PPP1R14C: variants seen among roughly 807,000 people sequenced by gnomAD.
The protein encoded by PPP1R14C is protein phosphatase 1 regulatory inhibitor subunit 14C.
A neutral mutation model predicts 20.4 loss-of-function variants in PPP1R14C; 16 were observed. The observed-to-expected ratio is 0.78, with a 90% CI of 0.53 to 1.19. The LOEUF (loss-of-function observed/expected upper bound fraction) is 1.19. Ranked by LOEUF, PPP1R14C falls within the 50% of genes most tolerant of loss-of-function variation. The probability of loss-of-function intolerance (pLI) is 0.00; values close to 1 mark genes in which losing one functional copy is unlikely to be tolerated. For missense variants in PPP1R14C, 211 were observed against 220.1 expected, an observed-to-expected ratio of 0.96 and a Z score of 0.26; for synonymous variants, 91 against 91.0, an observed-to-expected ratio of 1.00 and a Z score of 0.00.
intron 1 of PPP1R14C, among the ~76,000 whole-genome samples, chr6:150,156,995 A>G (rs1777312804): frequency 6.6e-6 from 1 of 152,226 alleles, no homozygotes; most frequent in Non-Finnish European, 1.5e-5. Flanking sequence ...AAACCTTGGG[A>G]ACATCCCATG....
chr6:150,236,380 G>A (rs143273788), intron 3 of PPP1R14C, among the ~76,000 whole-genome samples: 3 of 152,238 alleles, frequency 2.0e-5, no homozygotes, highest in East Asian at 3.9e-4. Context: ...GAATAGTCTC[G>A]GGTGAGTGAA....
intron 3 of PPP1R14C, among the ~76,000 whole-genome samples, chr6:150,231,217 C>T (rs1371204056): frequency 6.6e-6 from 1 of 152,208 alleles, no homozygotes; most frequent in Non-Finnish European, 1.5e-5. Flanking sequence ...GTTTGGACTT[C>T]TTTCTTTCTT....
chr6:150,205,119 C>A (rs761926042), intron 1 of PPP1R14C, among the ~76,000 whole-genome samples: 6 of 151,872 alleles, frequency 4.0e-5, no homozygotes, highest in Non-Finnish European at 7.4e-5. Context: ...CTAAGCCTGC[C>A]CTGGGTGCCA....
chr6:150,162,204 G>A (rs190318719), intron 1 of PPP1R14C, among the ~76,000 whole-genome samples: 7 of 152,184 alleles, frequency 4.6e-5, no homozygotes, highest in Admixed American at 2.0e-4. Context: ...ACAGGCGTGC[G>A]CCTCAACATC....
At chr6:150,199,516 G>C (rs1197538377) in intron 1 of PPP1R14C, among the ~76,000 whole-genome samples, 2 of 152,134 alleles carry the variant, frequency 1.3e-5, no homozygotes, top group African/African-American at 4.8e-5. Context: ...CAGACACCTA[G>C]TCCTCACCAC....
intron 3 of PPP1R14C, among the ~76,000 whole-genome samples, chr6:150,229,429 C>T (rs1390544137): frequency 2.6e-5 from 4 of 152,056 alleles, no homozygotes; most frequent in African/African-American, 9.7e-5. Flanking sequence ...TGTAAAGATT[C>T]TGAGACACCA....
intron 1 of PPP1R14C, among the ~76,000 whole-genome samples, chr6:150,214,339 A>G (rs1253446949): frequency 6.6e-6 from 1 of 152,194 alleles, no homozygotes; most frequent in African/African-American, 2.4e-5. Flanking sequence ...CTCCCCTTAT[A>G]TACTTACAGA....
Position 150,248,838 on chromosome 6 carries a change from ACT to A in PPP1R14C, c.*22_*23del. ...GTGTATGATTCTGGAACAGGGTGAA[ACT>A]CTCCCAGAGACGAAGAAAGAGTCCT... On this transcript the variant is annotated 3_prime_UTR_variant, in exon 4 of 4. Coordinates refer to ENST00000361131, the MANE Select transcript of PPP1R14C (RefSeq NM_030949.3). 4 of 1,566,536 alleles carry A rather than the reference ACT, an allele frequency of 2.6e-6. No homozygotes were observed. Among genetic ancestry groups the A allele is most frequent in the Non-Finnish European group, 3.5e-6 (4 of 1,138,752 alleles).
chr6:150,145,396 A>C (rs1464397213), intron 1 of PPP1R14C, among the ~76,000 whole-genome samples: 6 of 152,216 alleles, frequency 3.9e-5, no homozygotes, highest in Non-Finnish European at 8.8e-5. Flanking sequence ...CCTGCATGTC[A>C]TTAACGTGGC....
intron 3 of PPP1R14C, among the ~76,000 whole-genome samples, chr6:150,231,376 T>C (rs1186103306): frequency 1.3e-5 from 2 of 152,208 alleles, no homozygotes; most frequent in African/African-American, 2.4e-5. Context: ...CCCCTAATGC[T>C]CTGTGTCTTC....
At chr6:150,233,156 G>C (rs2114925662) in intron 3 of PPP1R14C, among the ~76,000 whole-genome samples, 1 of 152,326 alleles carries the variant, frequency 6.6e-6, no homozygotes. Flanking sequence ...TGGTAAAAGA[G>C]AGTGCCCCAA....
At chr6:150,245,398 G>A (rs1056622276) in intron 3 of PPP1R14C, among the ~76,000 whole-genome samples, 1 of 152,154 alleles carries the variant, frequency 6.6e-6, no homozygotes, top group Admixed American at 6.5e-5. Flanking sequence ...GCTTTCCACC[G>A]TGATGCTCTG....
Position 150,249,696 on chromosome 6 carries a change from C to T in PPP1R14C, c.*876C>T, listed in dbSNP as rs1008091204. On this transcript the variant is annotated 3_prime_UTR_variant, in exon 4 of 4. Transcript: ENST00000361131. ...TAGCAGTGAATTGTCTGCTTTCCAC[C>T]GAGTACTGTGTTTATTCTCTCTCCA... 9 of 395,092 alleles carry T rather than the reference C, an allele frequency of 2.3e-5. No homozygotes were observed. Among genetic ancestry groups the T allele is most frequent in the African/African-American group, 8.5e-5 (4 of 46,912 alleles). The allele number at this position is 395,092 out of a possible 1,614,324, so 24.5% of individuals were successfully genotyped here.
chr6:150,248,903 G>T lies in PPP1R14C; in HGVS notation c.*83G>T. 4 of 827,160 alleles carry T rather than the reference G, an allele frequency of 4.8e-6. No homozygotes were observed. The highest frequency in any genetic ancestry group is 3.8e-6 in the Non-Finnish European group (2 of 525,640). The allele number at this position is 827,160 out of a possible 1,614,324, so 51.2% of individuals were successfully genotyped here. A position where few individuals can be genotyped will look rare whatever the true frequency, so the allele number is the denominator to read the frequency against. On this transcript the variant is annotated 3_prime_UTR_variant, in exon 4 of 4. Coordinates refer to ENST00000361131, the MANE Select transcript of PPP1R14C (RefSeq NM_030949.3). ...TCATGAAGACTTTTGTGAAAGAATA[G>T]GTGTCCTTATGAACAACGTTTTTGT...
At position 150,214,757 on chromosome 6, in the gene PPP1R14C, C is replaced by G. The variant is rs1193146366; in HGVS notation, c.320C>G (p.Pro107Arg). The G allele has an allele frequency of 6.2e-7, 1 of 1,612,840 alleles. No individual in the cohort carries two copies. The highest frequency in any genetic ancestry group is 1.1e-5 in the South Asian group (1 of 90,724). The change falls in exon 2 of 4, where the codon CCA becomes CGA. Residue 107 changes from proline (P) to arginine (R), a missense_variant. Transcript: ENST00000361131. ...QLYGCEEEEM[P>R]EVEIDIDDLL... ...ACTGCCCCCCAGGAAGAAGAAATGC[C>G]AGAGGTAGAAATTGACATTGATGAT...
Position 150,185,673 on chromosome 6 carries a change from CA to C in PPP1R14C, c.307-29068del, listed in dbSNP as rs1172246084. Among the ~76,000 whole-genome samples the C allele has an allele frequency of 6.6e-6, 1 of 152,110 alleles. No individual in the cohort carries two copies. The highest frequency in any genetic ancestry group is 2.4e-5 in the African/African-American group (1 of 41,414). On this transcript the variant is annotated intron_variant, in intron 1 of 3. Coordinates refer to ENST00000361131, the MANE Select transcript of PPP1R14C (RefSeq NM_030949.3). The surrounding 1 kb of genome is among the most constrained non-coding windows in gnomAD (Gnocchi z 4.1). ...CATTTATTATTCCAGCAAGCAGTGA[CA>C]AATCAGCTCTGTGTGTCGGTGAGGA...
At chr6:150,158,023 C>G (rs1210181050) in intron 1 of PPP1R14C, among the ~76,000 whole-genome samples, 1 of 152,170 alleles carries the variant, frequency 6.6e-6, no homozygotes, top group African/African-American at 2.4e-5. Context: ...CTTGGTCTAT[C>G]TAGAAGGATG....
chr6:150,203,595 G>A (rs1183560786), intron 1 of PPP1R14C, among the ~76,000 whole-genome samples: 2 of 152,188 alleles, frequency 1.3e-5, no homozygotes, highest in Non-Finnish European at 2.9e-5. Context: ...AGGTGAAACG[G>A]TCTGGATTTC....
intron 1 of PPP1R14C, among the ~76,000 whole-genome samples, chr6:150,212,722 A>T (rs1285434092): frequency 6.6e-6 from 1 of 152,210 alleles, no homozygotes; most frequent in Non-Finnish European, 1.5e-5. Flanking sequence ...GTGGTCCCAT[A>T]AGATTATAAT....
Sources: allele counts gnomAD v4.1 joint callset (sites outside exome capture counted in the v4.1 genomes callset), GRCh38; gene constraint gnomAD v4.1.1; non-coding constraint Gnocchi (gnomAD v3.1); transcripts MANE v1.5; gene names NCBI Gene and HGNC (gene_info 2026-07-23, HGNC 2026-07-21).